The following STX6 variants were observed in gnomAD, a reference collection of about 807,000 sequenced individuals.
STX6 encodes syntaxin-6.
In STX6, 23 loss-of-function variants were observed where a neutral mutation model predicts 38.0. That is an observed-to-expected ratio of 0.60 (90% CI 0.43 to 0.86). The LOEUF (loss-of-function observed/expected upper bound fraction) is 0.86, where lower values mean the gene tolerates loss of function less well. STX6 is among the 40% of genes least tolerant of loss of function. The pLI is 0.00. For missense variants in STX6, 274 were observed against 312.9 expected (o/e 0.88, Z 0.94); for synonymous variants, 123 against 107.5 (o/e 1.14, Z -0.89).
intron 4 of STX6, 36 bp downstream of exon 4, chr1:180,993,323 GCTTT>G (rs770849066): frequency 7.9e-6 from 9 of 1,140,140 alleles, no homozygotes; most frequent in East Asian, 4.7e-5. Flanking sequence ...CTAACTGTAT[GCTTT>G]CTGTCATTGA....
At chr1:181,010,122 T>C (rs140020664) in intron 1 of STX6, among the ~76,000 whole-genome samples, 17 of 152,304 alleles carry the variant, frequency 1.1e-4, no homozygotes, top group African/African-American at 3.8e-4. Flanking sequence ...GTGATGGATC[T>C]GTGCTATATC....
Position 181,005,409 on chromosome 1 carries a change from C to T in STX6, c.90G>A (p.Glu30=), listed in dbSNP as rs377320157. ...TTGCTGTGGAGGGGTCCTGGAGGAG[C>T]TCTGTCCATCTCTGAAACAATCCCT... ...TAQGLFQRWT[E]LLQDPSTATR... is the part of the protein sequence containing the mutation. The change falls in exon 2 of 8, where the codon GAG becomes GAA. Residue 30 remains glutamate (E), a synonymous_variant. Coordinates refer to ENST00000258301, the MANE Select transcript of STX6 (RefSeq NM_005819.6). 3.1e-6 allele frequency: 5 copies of T among 1,613,940 alleles called. No homozygotes were observed. The highest frequency in any genetic ancestry group is 1.7e-5 in the Admixed American group (1 of 59,998).
intron 2 of STX6, among the ~76,000 whole-genome samples, chr1:181,004,335 G>C (rs1049460754): frequency 9.2e-5 from 14 of 152,208 alleles, no homozygotes; most frequent in African/African-American, 2.9e-4. Flanking sequence ...ATGGCTGGGG[G>C]TTTCTAGATA....
In STX6 at chr1:181,005,438, CA is replaced by C; in HGVS notation, c.60del (p.Ala21ProfsTer30). On this transcript the variant is annotated frameshift_variant, in exon 2 of 8. Transcript: ENST00000258301. LOFTEE classifies it high-confidence loss of function. ...VKGEVQKAVNTAQGLFQRWTE... is the reference protein window; with the variant it reads ...VKGEVQKAVNXAQGLFQRWTE... ...GTCCATCTCTGAAACAATCCCTGGG[CA>C]GTGTTGACTGCTTTCTGTACCTCTC... 1 of 1,613,904 alleles carries C rather than the reference CA, an allele frequency of 6.2e-7. No individual in the cohort carries two copies. The highest frequency in any genetic ancestry group is 8.5e-7 in the Non-Finnish European group (1 of 1,179,864).
intron 1 of STX6, among the ~76,000 whole-genome samples, chr1:181,019,705 G>A (rs573397360): frequency 2.0e-5 from 3 of 152,170 alleles, no homozygotes; most frequent in Non-Finnish European, 4.4e-5. Context: ...CACCTGTCTA[G>A]GACTCTAGAA....
At chr1:181,017,531 G>A (rs1656596493) in intron 1 of STX6, among the ~76,000 whole-genome samples, 1 of 152,168 alleles carries the variant, frequency 6.6e-6, no homozygotes, top group African/African-American at 2.4e-5. Flanking sequence ...GTCTCCACAT[G>A]CTCAGTTACA....
intron 3 of STX6, among the ~76,000 whole-genome samples, chr1:181,000,020 C>G (rs975120359): frequency 1.3e-5 from 2 of 152,174 alleles, no homozygotes; most frequent in African/African-American, 4.8e-5. Flanking sequence ...GCTATTTCCT[C>G]CTCTTCTATA....
chr1:181,010,974 G>GCCAAGGAA (rs1656380431), intron 1 of STX6, among the ~76,000 whole-genome samples: 1 of 152,134 alleles, frequency 6.6e-6, no homozygotes, highest in Admixed American at 6.5e-5. Context: ...TGAGTGTGAA[G>GCCAAGGAA]CCAAGGAATC....
At chr1:180,989,772 C>T (rs968953804) in intron 5 of STX6, among the ~76,000 whole-genome samples, 3 of 152,106 alleles carry the variant, frequency 2.0e-5, no homozygotes, top group African/African-American at 7.2e-5. Flanking sequence ...GTGTGAGCCA[C>T]CACGCCTGGC....
chr1:181,022,546 G>GCCTCCCCTCCCCAGCTCCAACTTT, intron 1 of STX6, 93 bp downstream of exon 1: 1 of 1,314,760 alleles, frequency 7.6e-7, no homozygotes, highest in Admixed American at 2.0e-5. Flanking sequence ...GCTCCAACTT[G>GCCTCCCCTCCCCAGCTCCAACTTT]CCTCCCCTCC....
intron 1 of STX6, among the ~76,000 whole-genome samples, chr1:181,011,630 T>G (rs943562367): frequency 7.2e-5 from 11 of 152,242 alleles, no homozygotes; most frequent in Admixed American, 2.6e-4. Context: ...TCCAAGTAAG[T>G]CAATTCATAA....
intron 1 of STX6, among the ~76,000 whole-genome samples, chr1:181,016,301 C>T (rs1656554436): frequency 6.6e-6 from 1 of 152,192 alleles, no homozygotes; most frequent in Non-Finnish European, 1.5e-5. Flanking sequence ...CCTCAGCAGA[C>T]ACTTCCTTTA....
At chr1:181,008,711 TAA>T in intron 1 of STX6, among the ~76,000 whole-genome samples, 1 of 145,092 alleles carries the variant, frequency 6.9e-6, no homozygotes, top group East Asian at 2.0e-4. Flanking sequence ...GTAGTTGATA[TAA>T]GCTTTCCAAA....
Position 181,020,490 on chromosome 1 carries a change from C to T in STX6, c.35+2149G>A, listed in dbSNP as rs553132864. The stretch of plus-strand genomic sequence containing the variant: ...GACATACATGGCTGGCATTATACTT[C>T]TATTGGACAGCAATGATCCAATAGA... On this transcript the variant is annotated intron_variant, in intron 1 of 7. Transcript: ENST00000258301. Among the ~76,000 whole-genome samples, 28 of 152,274 alleles carry T rather than the reference C, an allele frequency of 1.8e-4. No individual in the cohort carries two copies. In the Middle Eastern group the frequency reaches 0.01, roughly 55 times the overall value.
chr1:180,994,325 C>T (rs1234503869), intron 3 of STX6, among the ~76,000 whole-genome samples: 1 of 152,188 alleles, frequency 6.6e-6, no homozygotes, highest in Non-Finnish European at 1.5e-5. Context: ...TTTACAATCC[C>T]AGAACTGTGG....
chr1:180,988,692 GA>G (rs1655661885), intron 5 of STX6: 1 of 202,728 alleles, frequency 4.9e-6, no homozygotes, highest in Non-Finnish European at 1.0e-5. Flanking sequence ...TTGGGAGGAG[GA>G]AGCCCATTGC....
chr1:181,002,626 T>C lies in STX6; in HGVS notation c.280A>G (p.Ser94Gly), dbSNP rs1405698097. 1.2e-6 allele frequency: 2 copies of C among 1,613,256 alleles called. No individual in the cohort carries two copies. The highest frequency in any genetic ancestry group is 4.5e-5 in the East Asian group (2 of 44,878). The change falls in exon 3 of 8, where the codon AGT becomes GGT. Residue 94 changes from serine to glycine, a missense_variant. Transcript: ENST00000258301. Reference sequence around the variant, plus strand: ...CTTACCCTGACAACTTGCCGAGTACTTGTAATGAAGGCTTTTCTTATACTC... The same window carrying C: ...CTTACCCTGACAACTTGCCGAGTACCTGTAATGAAGGCTTTTCTTATACTC... Reference protein sequence around the residue: ...ELSIRKAFITSTRQVVRDMKD... With the variant: ...ELSIRKAFITGTRQVVRDMKD...
intron 1 of STX6, among the ~76,000 whole-genome samples, chr1:181,012,349 A>C (rs1172238737): frequency 1.3e-5 from 2 of 152,222 alleles, no homozygotes; most frequent in African/African-American, 4.8e-5. Flanking sequence ...TGCCCAAATC[A>C]GTTTCATCTG....
intron 7 of STX6, among the ~76,000 whole-genome samples, chr1:180,980,039 T>C (rs2102299997): frequency 6.6e-6 from 1 of 152,110 alleles, no homozygotes; most frequent in South Asian, 2.1e-4. Flanking sequence ...AAACCCTGTC[T>C]CTACTAAAAA....
Sources: allele counts gnomAD v4.1 joint callset (sites outside exome capture counted in the v4.1 genomes callset), GRCh38; gene constraint gnomAD v4.1.1; transcripts MANE v1.5; gene names NCBI Gene and HGNC (gene_info 2026-07-23, HGNC 2026-07-21).